The following TYW1 variants were observed in gnomAD, a reference collection of about 807,000 sequenced individuals.
The protein encoded by TYW1 is tRNA-yW synthesizing protein 1 homolog, also known as S-adenosyl-L-methionine-dependent tRNA 4-demethylwyosine synthase TYW1.
TYW1 carries 46 observed loss-of-function variants against 96.2 expected under a neutral mutation model. That is an observed-to-expected ratio of 0.48 (90% CI 0.38 to 0.61). The LOEUF (loss-of-function observed/expected upper bound fraction) is 0.61. Ranked by LOEUF, TYW1 falls within the 20% of genes least tolerant of loss-of-function variation. The probability of loss-of-function intolerance (pLI) is 0.00; values close to 1 mark genes in which losing one functional copy is unlikely to be tolerated. For missense variants in TYW1, 684 were observed against 909.6 expected (o/e 0.75, Z 3.19); for synonymous variants, 274 against 323.0 (o/e 0.85, Z 1.63).
intron 6 of TYW1, among the ~76,000 whole-genome samples, chr7:67,022,496 C>T (rs1794310432): frequency 6.6e-6 from 1 of 152,146 alleles, no homozygotes; most frequent in Non-Finnish European, 1.5e-5. Context: ...GAGCATAGGG[C>T]ACATGGGCAA....
chr7:67,063,898 G>C (rs1475390984), intron 9 of TYW1, among the ~76,000 whole-genome samples: 2 of 152,158 alleles, frequency 1.3e-5, no homozygotes, highest in African/African-American at 4.8e-5. Context: ...ACTGTGCCTG[G>C]CCGTATTCTG....
Position 67,043,384 on chromosome 7 carries a change from A to T in TYW1, c.985-6565A>T, listed in dbSNP as rs571314381. 1.1e-3 allele frequency among the ~76,000 whole-genome samples: 161 copies of T among 147,122 alleles called. 2 individuals are homozygous for T. Among genetic ancestry groups the T allele is most frequent in the Non-Finnish European group, 1.6e-3 (111 of 67,342 alleles). Reference sequence around the variant, plus strand: ...CTTTTTTTTTTTTTTTTCCTGCAGTAAATAAATGTTGCTAAATAATCCCCA... The same window carrying T: ...CTTTTTTTTTTTTTTTTCCTGCAGTTAATAAATGTTGCTAAATAATCCCCA... On this transcript the variant is annotated intron_variant, in intron 7 of 15. Transcript: ENST00000359626.
At chr7:67,147,524 A>G (rs1463491975) in intron 13 of TYW1, among the ~76,000 whole-genome samples, 1 of 152,180 alleles carries the variant, frequency 6.6e-6, no homozygotes, top group African/African-American at 2.4e-5. Flanking sequence ...TTCATCATCC[A>G]GGTATTAAGC....
intron 15 of TYW1, among the ~76,000 whole-genome samples, chr7:67,221,016 C>T (rs1484440406): frequency 7.2e-5 from 11 of 152,084 alleles, no homozygotes; most frequent in South Asian, 4.1e-4. Flanking sequence ...TGTGAGCCAC[C>T]GCGCCCGTCC....
At chr7:67,112,382 G>A (rs1797447671) in intron 12 of TYW1, among the ~76,000 whole-genome samples, 2 of 152,134 alleles carry the variant, frequency 1.3e-5, no homozygotes, top group South Asian at 4.1e-4. Flanking sequence ...TTCGGAGGCC[G>A]AGGCAGGCAG....
chr7:67,000,371 T>C (rs573613402), intron 3 of TYW1, among the ~76,000 whole-genome samples: 1 of 152,114 alleles, frequency 6.6e-6, no homozygotes, highest in African/African-American at 2.4e-5. Flanking sequence ...TGATCTCGGC[T>C]CACCACAACC....
intron 13 of TYW1, among the ~76,000 whole-genome samples, chr7:67,120,054 C>T (rs1348156940): frequency 4.6e-5 from 7 of 151,388 alleles, no homozygotes; most frequent in East Asian, 1.9e-4. Context: ...GCCACTGCTC[C>T]AGGCCTGATA....
chr7:67,160,154 C>T (rs1244209229), intron 13 of TYW1, among the ~76,000 whole-genome samples: 1 of 151,842 alleles, frequency 6.6e-6, no homozygotes, highest in Non-Finnish European at 1.5e-5. Flanking sequence ...GTAGTCTTAC[C>T]GGGAGGCTGA....
intron 15 of TYW1, among the ~76,000 whole-genome samples, chr7:67,228,285 T>G (rs1006714503): frequency 1.8e-4 from 27 of 152,142 alleles, no homozygotes; most frequent in Non-Finnish European, 2.8e-4. Context: ...AAGGTGAAAG[T>G]CACGTCTCAC....
At chr7:67,119,913 A>C (rs1208062538) in intron 13 of TYW1, among the ~76,000 whole-genome samples, 1 of 151,980 alleles carries the variant, frequency 6.6e-6, no homozygotes. Context: ...TCAGCCTTCC[A>C]AGTACTGGGA....
intron 15 of TYW1, among the ~76,000 whole-genome samples, chr7:67,198,695 G>C (rs1380180463): frequency 2.0e-5 from 3 of 152,114 alleles, no homozygotes; most frequent in Non-Finnish European, 4.4e-5. Context: ...TGCAAAGACT[G>C]TCCCTAAAAC....
At chr7:67,155,095 A>G (rs1798925869) in intron 13 of TYW1, among the ~76,000 whole-genome samples, 1 of 152,084 alleles carries the variant, frequency 6.6e-6, no homozygotes, top group Admixed American at 6.5e-5. Context: ...TTTCCCCAAG[A>G]TCATTATTTT....
chr7:67,214,848 A>G (rs1801155826), intron 15 of TYW1, among the ~76,000 whole-genome samples: 1 of 151,088 alleles, frequency 6.6e-6, no homozygotes. Flanking sequence ...TACCTGGAAT[A>G]AGTCCCACTT....
Position 67,083,425 on chromosome 7 carries a change from C to T in TYW1, c.1275-5C>T, listed in dbSNP as rs1471004916. On this transcript the variant is annotated splice_polypyrimidine_tract_variant and splice_region_variant and intron_variant, in intron 10 of 15. Coordinates refer to ENST00000359626, the MANE Select transcript of TYW1 (RefSeq NM_018264.4). ...GTCTTTTAGAACTTTGCATCTTGTTCCTAGGCACCACACCAACCCCGTGGG... is the reference window on the plus strand; with the variant it reads ...GTCTTTTAGAACTTTGCATCTTGTTTCTAGGCACCACACCAACCCCGTGGG... The T allele has an allele frequency of 3.7e-6, 6 of 1,613,924 alleles. No homozygotes were observed. Among genetic ancestry groups the T allele is most frequent in the Non-Finnish European group, 4.2e-6 (5 of 1,179,884 alleles).
intron 11 of TYW1, among the ~76,000 whole-genome samples, chr7:67,091,317 G>A (rs1796710520): frequency 6.8e-6 from 1 of 147,324 alleles, no homozygotes; most frequent in South Asian, 2.1e-4. Flanking sequence ...CACAAGGACA[G>A]AAAACCAAAC....
At chr7:67,201,096 G>T (rs1331355047) in intron 15 of TYW1, among the ~76,000 whole-genome samples, 1 of 151,922 alleles carries the variant, frequency 6.6e-6, no homozygotes, top group Admixed American at 6.6e-5. Flanking sequence ...GTGAAGATTT[G>T]TGTTTCAGAA....
rs145265045 is a variant in TYW1, at chr7:67,017,915, G to T, written c.633G>T (p.Gly211=). The change falls in exon 6 of 16, where the codon GGG becomes GGT. Residue 211 remains glycine, a synonymous_variant. Coordinates refer to ENST00000359626, the MANE Select transcript of TYW1 (RefSeq NM_018264.4). Reference sequence around the variant, plus strand: ...GCGCGCATCGTGTGATGAGTCGAGGGGAGGGCGACTGCGACGTGGTTAAAA... The same window carrying T: ...GCGCGCATCGTGTGATGAGTCGAGGTGAGGGCGACTGCGACGTGGTTAAAA... ...MLGAHRVMSR[G]EGDCDVVKSK... The T allele has an allele frequency of 1.2e-6, 2 of 1,614,142 alleles. No individual in the cohort carries two copies. Among genetic ancestry groups the T allele is most frequent in the African/African-American group, 1.3e-5 (1 of 75,024 alleles).
chr7:67,115,796 A>G (rs112488021), intron 12 of TYW1, among the ~76,000 whole-genome samples: 2,623 of 152,316 alleles, frequency 0.017, 73 homozygotes, highest in African/African-American at 0.059. Context: ...GGTGAATTGT[A>G]TGGCATGTGA....
At chr7:67,047,847 GCACAGTCTTGGCT>G in intron 7 of TYW1, among the ~76,000 whole-genome samples, 1 of 144,500 alleles carries the variant, frequency 6.9e-6, no homozygotes, top group East Asian at 2.0e-4. Context: ...GAGTGCAGTG[GCACAGTCTTGGCT>G]CACCGTAACC....
Sources: allele counts gnomAD v4.1 joint callset (sites outside exome capture counted in the v4.1 genomes callset), GRCh38; gene constraint gnomAD v4.1.1; transcripts MANE v1.5; gene names NCBI Gene and HGNC (gene_info 2026-07-23, HGNC 2026-07-21).